DLC1: variants seen among roughly 807,000 people sequenced by gnomAD.
The protein encoded by DLC1 is rho GTPase-activating protein 7.
Under a neutral mutation model 140.3 loss-of-function variants are expected in DLC1, and 54 were observed. The observed-to-expected ratio is 0.38, with a 90% confidence interval of 0.31 to 0.48. The LOEUF is 0.48. Ranked by LOEUF, DLC1 falls within the 20% of genes least tolerant of loss-of-function variation. The pLI is 0.96. For synonymous variants in DLC1, 986 were observed against 728.1 expected, an observed-to-expected ratio of 1.35 and a Z score of -5.70; for missense variants, 2,536 against 1,907.0, an observed-to-expected ratio of 1.33 and a Z score of -6.14.
chr8:13,312,386 A>AAAAAAAAAAAAAAAAAAAATAAT (rs71207139), intron 4 of DLC1, among the ~76,000 whole-genome samples: 2 of 81,680 alleles, frequency 2.4e-5, no homozygotes, highest in Non-Finnish European at 5.0e-5. Context: ...AAAAAAAAAA[A>AAAAAAAAAAAAAAAAAAAATAAT]AATAATTTCT....
intron 4 of DLC1, among the ~76,000 whole-genome samples, chr8:13,307,371 T>C (rs2117531045): frequency 6.6e-6 from 1 of 152,332 alleles, no homozygotes; most frequent in East Asian, 1.9e-4. Flanking sequence ...CTTTTCTTCT[T>C]CTTCAAGAAC....
intron 2 of DLC1, among the ~76,000 whole-genome samples, chr8:13,433,256 G>A (rs1838969369): frequency 6.6e-6 from 1 of 152,222 alleles, no homozygotes; most frequent in East Asian, 1.9e-4. Context: ...GTTTCTCTTT[G>A]ATAAAAATGG....
chr8:13,433,190 G>A (rs1838965520), intron 2 of DLC1, among the ~76,000 whole-genome samples: 1 of 152,082 alleles, frequency 6.6e-6, no homozygotes, highest in African/African-American at 2.4e-5. Flanking sequence ...GAAAAAATGT[G>A]CACATTTGTG....
At chr8:13,406,280 A>G (rs1281774374) in intron 2 of DLC1, among the ~76,000 whole-genome samples, 1 of 148,660 alleles carries the variant, frequency 6.7e-6, no homozygotes, top group Non-Finnish European at 1.5e-5. Context: ...AGCCTCCTGA[A>G]GTGCTGGGAT....
At chr8:13,248,444 A>G (rs554275124) in intron 5 of DLC1, among the ~76,000 whole-genome samples, 2 of 151,234 alleles carry the variant, frequency 1.3e-5, no homozygotes, top group African/African-American at 2.4e-5. Flanking sequence ...TATTCTCCCA[A>G]CTCTTTTGAA....
intron 16 of DLC1, 84 bp downstream of exon 16, chr8:13,088,403 C>A (rs987064064): frequency 1.4e-6 from 2 of 1,457,616 alleles, no homozygotes; most frequent in East Asian, 4.7e-5. Flanking sequence ...AATAATTATA[C>A]CATCTTGTAA....
At chr8:13,317,082 T>C (rs1832888208) in intron 4 of DLC1, among the ~76,000 whole-genome samples, 1 of 152,210 alleles carries the variant, frequency 6.6e-6, no homozygotes, top group South Asian at 2.1e-4. Flanking sequence ...CTACCTTGGT[T>C]CCAGAAAACT....
At chr8:13,453,653 A>G (rs1195540875) in intron 2 of DLC1, among the ~76,000 whole-genome samples, 7 of 146,128 alleles carry the variant, frequency 4.8e-5, no homozygotes, top group Admixed American at 1.4e-4. Context: ...CTCATTGGAA[A>G]TCTCATGACT....
chr8:13,274,123 G>A (rs977635406), intron 5 of DLC1, among the ~76,000 whole-genome samples: 2 of 152,166 alleles, frequency 1.3e-5, no homozygotes, highest in African/African-American at 2.4e-5. Flanking sequence ...GTGACTTTTT[G>A]TGGATCATTA....
chr8:13,124,817 T>C (rs963946651), intron 5 of DLC1, among the ~76,000 whole-genome samples: 1 of 152,242 alleles, frequency 6.6e-6, no homozygotes, highest in African/African-American at 2.4e-5. Flanking sequence ...CCATGCCCGC[T>C]GTTAATTTTC....
chr8:13,256,037 A>G (rs1830209773), intron 5 of DLC1, among the ~76,000 whole-genome samples: 1 of 152,344 alleles, frequency 6.6e-6, no homozygotes, highest in African/African-American at 2.4e-5. Flanking sequence ...CCATCTCTAC[A>G]GATGAGGAAC....
intron 5 of DLC1, among the ~76,000 whole-genome samples, chr8:13,186,429 C>G (rs542641249): frequency 6.6e-6 from 1 of 152,256 alleles, no homozygotes; most frequent in African/African-American, 2.4e-5. Flanking sequence ...CTTTCTTCCA[C>G]TTGATCGAAT....
At chr8:13,374,303 C>G (rs1400263856) in intron 4 of DLC1, among the ~76,000 whole-genome samples, 4 of 106,448 alleles carry the variant, frequency 3.8e-5, no homozygotes, top group African/African-American at 1.3e-4. Context: ...ATCTCAAATT[C>G]TTTTTTTTTA....
upstream of DLC1, among the ~76,000 whole-genome samples, chr8:13,516,668 G>A (rs1333507542): frequency 1.3e-5 from 2 of 152,128 alleles, no homozygotes; most frequent in African/African-American, 4.8e-5. Context: ...AAAAACATGA[G>A]CATTTAGGTT....
chr8:13,333,674 T>C (rs541501549), intron 4 of DLC1, among the ~76,000 whole-genome samples: 28 of 152,312 alleles, frequency 1.8e-4, no homozygotes, highest in Non-Finnish European at 4.0e-4. Context: ...TTATTTAAAA[T>C]ATAGCTTTAT....
At chr8:13,205,064 G>T (rs1827587708) in intron 5 of DLC1, among the ~76,000 whole-genome samples, 1 of 151,710 alleles carries the variant, frequency 6.6e-6, no homozygotes, top group African/African-American at 2.4e-5. Context: ...GGCTATTATA[G>T]ACCAGATGGC....
chr8:13,197,661 A>T (rs529561739), intron 5 of DLC1, among the ~76,000 whole-genome samples: 96 of 151,808 alleles, frequency 6.3e-4, no homozygotes, highest in South Asian at 6.3e-4. Flanking sequence ...ATTTTTTTTT[A>T]AAAGAGTAAA....
intron 1 of DLC1, among the ~76,000 whole-genome samples, chr8:13,590,119 T>A (rs2117470734): frequency 6.7e-6 from 1 of 149,382 alleles, no homozygotes; most frequent in East Asian, 2.0e-4. Flanking sequence ...CCCTGAAGTT[T>A]ATTTTCCTAT....
chr8:13,393,460 C>A, intron 4 of DLC1, 93 bp downstream of exon 4: 1 of 1,330,840 alleles, frequency 7.5e-7, no homozygotes, highest in South Asian at 1.6e-5. Context: ...AAGATTCCAA[C>A]AGTATTTCTT....
Sources: allele counts gnomAD v4.1 joint callset (sites outside exome capture counted in the v4.1 genomes callset), GRCh38; gene constraint gnomAD v4.1.1; transcripts MANE v1.5; gene names NCBI Gene and HGNC (gene_info 2026-07-23, HGNC 2026-07-21).